The following EFCAB5 variants were observed in gnomAD, a reference collection of about 807,000 sequenced individuals.
EFCAB5 encodes EF-hand calcium-binding domain-containing protein 5.
Under a neutral mutation model 167.9 loss-of-function variants are expected in EFCAB5, and 131 were observed. The observed-to-expected ratio is 0.78, with a 90% CI of 0.68 to 0.90. The LOEUF is 0.90. EFCAB5 is among the 40% of genes least tolerant of loss of function. The pLI, the probability that EFCAB5 is intolerant of heterozygous loss-of-function variation, is 0.00. For synonymous variants in EFCAB5, 574 were observed against 602.8 expected, an observed-to-expected ratio of 0.95 and a Z score of 0.70; for missense variants, 1,663 against 1,745.2, an observed-to-expected ratio of 0.95 and a Z score of 0.84.
Position 30,090,668 on chromosome 17 carries a change from A to G in EFCAB5, c.3931A>G (p.Ile1311Val). ...CTCTGGAGAGATAAAGAAAAAATAT[A>G]TCTTAGGTATCGTTCATGTGGCATC... The part of the protein sequence containing the change: ...EFSGEIKKKY[I>V]LEIENVREVQ... Residue 1311 changes from isoleucine to valine, a missense_variant, in exon 20 of 23, where the codon ATC becomes GTC. Transcript: ENST00000394835. 6.2e-7 allele frequency: 1 copy of G among 1,610,840 alleles called. No individual in the cohort carries two copies. The highest frequency in any genetic ancestry group is 8.5e-7 in the Non-Finnish European group (1 of 1,178,866).
Position 29,984,840 on chromosome 17 carries a change from T to C in EFCAB5, c.768-8325T>C, listed in dbSNP as rs576595237. On this transcript the variant is annotated intron_variant, in intron 4 of 22. Transcript: ENST00000394835. ...TATTTTCAAACTTCAAAGTTCATTT[T>C]TGAACACTTGTTTTTCTAGAGAATT... Among the ~76,000 whole-genome samples the C allele has an allele frequency of 1.9e-4, 29 of 152,368 alleles. 1 individual carries two copies. In the South Asian group the frequency reaches 5.8e-3, roughly 30 times the overall value.
intron 1 of EFCAB5, among the ~76,000 whole-genome samples, chr17:29,934,457 C>A: frequency 6.6e-6 from 1 of 152,056 alleles, no homozygotes; most frequent in East Asian, 1.9e-4. Flanking sequence ...ATCAATAATT[C>A]TTCATCTAAC....
At chr17:30,086,985 CTATT>C in intron 18 of EFCAB5, 74 bp from the exon 19 acceptor site, 2 of 1,255,066 alleles carry the variant, frequency 1.6e-6, no homozygotes, top group Non-Finnish European at 2.2e-6. Context: ...TATTTTTTTT[CTATT>C]TATCTGTCCC....
intron 7 of EFCAB5, among the ~76,000 whole-genome samples, chr17:30,029,560 T>C (rs2069422101): frequency 6.6e-6 from 1 of 151,570 alleles, no homozygotes; most frequent in Non-Finnish European, 1.5e-5. Context: ...TTAGCACTAA[T>C]CTTTTTTTTT....
chr17:30,069,461 G>A (rs952863024), intron 14 of EFCAB5: 2 of 1,574,250 alleles, frequency 1.3e-6, no homozygotes, highest in Non-Finnish European at 8.7e-7. Flanking sequence ...GCAACAGGAA[G>A]CTGAGATTGA....
intron 3 of EFCAB5, among the ~76,000 whole-genome samples, chr17:29,946,830 T>C (rs1306408319): frequency 1.3e-5 from 2 of 152,062 alleles, no homozygotes; most frequent in Non-Finnish European, 2.9e-5. Context: ...AAATAAGTCA[T>C]TATATTAAAA....
rs180848721 is a variant in EFCAB5 at position 30,060,226 on chromosome 17, A to T, written c.2737+525A>T. Among the ~76,000 whole-genome samples, 1,147 of 140,240 alleles carry T rather than the reference A, an allele frequency of 8.2e-3. 14 individuals are homozygous for T. The highest frequency in any genetic ancestry group is 0.024 in the African/African-American group (966 of 40,804). The allele number at this position is 140,240 out of a possible 152,430, so 92.0% of individuals were successfully genotyped here. A position where few individuals can be genotyped will look rare whatever the true frequency, so the allele number is the denominator to read the frequency against. On this transcript the variant is annotated intron_variant, in intron 14 of 22. Coordinates refer to ENST00000394835, the MANE Select transcript of EFCAB5 (RefSeq NM_198529.4). Reference sequence around the variant, plus strand: ...AAAGTATAATAATAACAAAAAAAATAAAAAAAAATTTAAAAAAAAGGTTAA... The same window carrying T: ...AAAGTATAATAATAACAAAAAAAATTAAAAAAAATTTAAAAAAAAGGTTAA...
At chr17:30,092,808 C>G (rs1443411276) in intron 21 of EFCAB5, 32 bp from the exon 22 acceptor site, 1 of 1,500,400 alleles carries the variant, frequency 6.7e-7, no homozygotes, top group Non-Finnish European at 9.2e-7. Context: ...TCCTGGTGAT[C>G]CCATAAATTT....
chr17:29,946,693 C>T (rs1343421746), intron 3 of EFCAB5, among the ~76,000 whole-genome samples: 1 of 151,938 alleles, frequency 6.6e-6, no homozygotes, highest in Admixed American at 6.6e-5. Flanking sequence ...CCGCCTTGGC[C>T]TCCCATAGTG....
intron 14 of EFCAB5, among the ~76,000 whole-genome samples, chr17:30,075,573 T>C (rs1427934555): frequency 6.6e-6 from 1 of 152,192 alleles, no homozygotes; most frequent in East Asian, 1.9e-4. Flanking sequence ...CTGCTCAAGA[T>C]TAAACACCCC....
chr17:29,931,477 G>C (rs1229137966), intron 1 of EFCAB5, among the ~76,000 whole-genome samples: 1 of 152,198 alleles, frequency 6.6e-6, no homozygotes, highest in Non-Finnish European at 1.5e-5. Flanking sequence ...GAGGGTCCCT[G>C]TACTGTACAG....
chr17:29,930,929 G>A (rs2067184530), intron 1 of EFCAB5, among the ~76,000 whole-genome samples: 2 of 152,148 alleles, frequency 1.3e-5, no homozygotes, highest in Admixed American at 6.5e-5. Flanking sequence ...CTGCTGTGAA[G>A]ACAGTCTTTT....
chr17:29,944,630 T>TTG (rs1555547212), intron 3 of EFCAB5, among the ~76,000 whole-genome samples: 1 of 150,786 alleles, frequency 6.6e-6, no homozygotes, highest in African/African-American at 2.4e-5. Flanking sequence ...TTGTTTTGTT[T>TTG]TTTTTTTTTT....
At chr17:30,103,529 C>T (rs1034403069) in intron 22 of EFCAB5, among the ~76,000 whole-genome samples, 6 of 152,074 alleles carry the variant, frequency 3.9e-5, no homozygotes, top group Admixed American at 2.6e-4. Context: ...GAACAAACTT[C>T]CCCCTCAAAC....
chr17:29,931,424 G>A (rs1471961067), intron 1 of EFCAB5, among the ~76,000 whole-genome samples: 5 of 152,220 alleles, frequency 3.3e-5, no homozygotes, highest in Non-Finnish European at 7.3e-5. Flanking sequence ...GGGCCCTGTG[G>A]TTGAAATAAT....
At chr17:29,937,223 G>A (rs1485499568), upstream of EFCAB5, among the ~76,000 whole-genome samples, 1 of 151,652 alleles carries the variant, frequency 6.6e-6, no homozygotes, top group African/African-American at 2.4e-5. Flanking sequence ...TGAGACTCCT[G>A]TCGCCCAGGC....
At chr17:30,004,730 C>G (rs2068738649) in intron 7 of EFCAB5, among the ~76,000 whole-genome samples, 2 of 151,288 alleles carry the variant, frequency 1.3e-5, no homozygotes, top group African/African-American at 4.9e-5. Flanking sequence ...AAGCGATTCT[C>G]CTGCCTCAGC....
At chr17:29,959,003 C>G (rs961078641) in intron 3 of EFCAB5, among the ~76,000 whole-genome samples, 2 of 152,184 alleles carry the variant, frequency 1.3e-5, no homozygotes, top group Admixed American at 6.5e-5. Flanking sequence ...AAAATGGAGT[C>G]TGTCTCTCTC....
chr17:30,077,341 C>T (rs956020670), intron 14 of EFCAB5, among the ~76,000 whole-genome samples: 2 of 151,886 alleles, frequency 1.3e-5, no homozygotes, highest in Admixed American at 6.6e-5. Flanking sequence ...AAAACGAAAC[C>T]ACGTGTTGTT....
Sources: allele counts gnomAD v4.1 joint callset (sites outside exome capture counted in the v4.1 genomes callset), GRCh38; gene constraint gnomAD v4.1.1; transcripts MANE v1.5; gene names NCBI Gene and HGNC (gene_info 2026-07-23, HGNC 2026-07-21).